The following SERPINI1 variants were observed in gnomAD, a reference collection of about 807,000 sequenced individuals.
SERPINI1 encodes neuroserpin.
A neutral mutation model predicts 41.1 loss-of-function variants in SERPINI1; 19 were observed. The observed-to-expected ratio is 0.46, with a 90% CI of 0.32 to 0.68. SERPINI1 has a LOEUF of 0.68. Among genes scored for constraint, SERPINI1 ranks in the 30% least tolerant of loss-of-function variants. The pLI is 0.03. For synonymous variants in SERPINI1, 138 were observed against 156.6 expected (o/e 0.88, Z 0.89); for missense variants, 460 against 479.2 (o/e 0.96, Z 0.37).
intron 1 of SERPINI1, among the ~76,000 whole-genome samples, chr3:167,745,936 A>G (rs539510175): frequency 3.9e-5 from 6 of 152,192 alleles, no homozygotes; most frequent in Non-Finnish European, 8.8e-5. Flanking sequence ...ATTGAAAAGT[A>G]TCTCATGTTC....
At chr3:167,811,574 G>A (rs1237066941) in intron 6 of SERPINI1, among the ~76,000 whole-genome samples, 1 of 152,128 alleles carries the variant, frequency 6.6e-6, no homozygotes, top group Non-Finnish European at 1.5e-5. Context: ...GATAACGGCA[G>A]TTGCCTCTGG....
intron 6 of SERPINI1, among the ~76,000 whole-genome samples, chr3:167,816,119 T>G (rs538064909): frequency 6.6e-6 from 1 of 152,292 alleles, no homozygotes; most frequent in Admixed American, 6.5e-5. Context: ...CTTGGCTCAC[T>G]GCAACCTCAA....
At chr3:167,751,358 A>C (rs970377034) in intron 1 of SERPINI1, among the ~76,000 whole-genome samples, 1 of 152,170 alleles carries the variant, frequency 6.6e-6, no homozygotes, top group Non-Finnish European at 1.5e-5. Context: ...TTATTAACAT[A>C]GTTTTTGGAA....
At chr3:167,743,431 A>G (rs568694582) in intron 1 of SERPINI1, among the ~76,000 whole-genome samples, 121 of 152,286 alleles carry the variant, frequency 7.9e-4, no homozygotes, top group Middle Eastern at 3.4e-3. Context: ...GTAAATAAGT[A>G]CATTAATTTT....
At chr3:167,760,548 G>A (rs1284737096) in intron 1 of SERPINI1, among the ~76,000 whole-genome samples, 1 of 148,230 alleles carries the variant, frequency 6.7e-6, no homozygotes, top group Non-Finnish European at 1.5e-5. Flanking sequence ...AGTTCTGGAA[G>A]CCTGGCTCCA....
At chr3:167,786,348 C>T (rs897701684) in intron 1 of SERPINI1, among the ~76,000 whole-genome samples, 2 of 147,426 alleles carry the variant, frequency 1.4e-5, no homozygotes, top group African/African-American at 2.5e-5. Flanking sequence ...ACTAAAAATA[C>T]AAAAAAAAAA....
At chr3:167,798,508 A>G (rs1345635470) in intron 5 of SERPINI1, among the ~76,000 whole-genome samples, 1 of 152,168 alleles carries the variant, frequency 6.6e-6, no homozygotes, top group Non-Finnish European at 1.5e-5. Flanking sequence ...GATAATGGTA[A>G]TGATTTATGT....
intron 1 of SERPINI1, among the ~76,000 whole-genome samples, chr3:167,775,489 G>A (rs922394075): frequency 1.3e-5 from 2 of 151,972 alleles, no homozygotes; most frequent in African/African-American, 4.8e-5. Context: ...TGAATGATTA[G>A]AGGATGAGTC....
chr3:167,740,838 G>A (rs1374094664), intron 1 of SERPINI1, among the ~76,000 whole-genome samples: 1 of 152,102 alleles, frequency 6.6e-6, no homozygotes, highest in Non-Finnish European at 1.5e-5. Flanking sequence ...CTGATTTAAA[G>A]ATGTGCTTTT....
At chr3:167,764,542 T>C (rs1023099721) in intron 1 of SERPINI1, among the ~76,000 whole-genome samples, 1 of 152,146 alleles carries the variant, frequency 6.6e-6, no homozygotes. Flanking sequence ...CCACAACACA[T>C]GGGAATTCAA....
At chr3:167,777,524 G>T (rs562953537) in intron 1 of SERPINI1, among the ~76,000 whole-genome samples, 14 of 152,120 alleles carry the variant, frequency 9.2e-5, no homozygotes, top group Non-Finnish European at 2.1e-4. Context: ...CTACACAGGT[G>T]ATGTTGTGGT....
intron 5 of SERPINI1, among the ~76,000 whole-genome samples, chr3:167,807,011 TATATC>T (rs1489875219): frequency 6.6e-6 from 1 of 152,210 alleles, no homozygotes; most frequent in African/African-American, 2.4e-5. Context: ...GTTTTGTGTC[TATATC>T]ATATATTTTC....
chr3:167,810,748 T>C (rs1422471326), intron 6 of SERPINI1, among the ~76,000 whole-genome samples: 2 of 152,306 alleles, frequency 1.3e-5, no homozygotes, highest in East Asian at 1.9e-4. Flanking sequence ...CTTCTTTCCA[T>C]GAACAATTTC....
At chr3:167,817,365 G>A (rs899212292) in intron 6 of SERPINI1, among the ~76,000 whole-genome samples, 1 of 151,966 alleles carries the variant, frequency 6.6e-6, no homozygotes, top group Non-Finnish European at 1.5e-5. Flanking sequence ...CCACAGATGA[G>A]TTTGATAGCT....
At chr3:167,741,439 C>G (rs528672165) in intron 1 of SERPINI1, among the ~76,000 whole-genome samples, 1 of 152,266 alleles carries the variant, frequency 6.6e-6, no homozygotes, top group African/African-American at 2.4e-5. Context: ...TGAACAGACC[C>G]CAAAGAGCCC....
intron 1 of SERPINI1, among the ~76,000 whole-genome samples, chr3:167,774,887 A>T (rs1726911335): frequency 6.6e-6 from 1 of 152,160 alleles, no homozygotes; most frequent in African/African-American, 2.4e-5. Context: ...AAGGAGTAAA[A>T]TAACAGTTGT....
chr3:167,741,141 AG>A (rs1280084789), intron 1 of SERPINI1, among the ~76,000 whole-genome samples: 1 of 152,036 alleles, frequency 6.6e-6, no homozygotes, highest in Non-Finnish European at 1.5e-5. Context: ...GGAAGCTTAC[AG>A]GGTACCTTCA....
chr3:167,754,713 GGTTA>G (rs1423250731), intron 1 of SERPINI1, among the ~76,000 whole-genome samples: 4 of 152,144 alleles, frequency 2.6e-5, no homozygotes, highest in African/African-American at 9.7e-5. Flanking sequence ...TGCATTATTT[GGTTA>G]TAGCAGAACT....
At chr3:167,741,912 C>T (rs575237301) in intron 1 of SERPINI1, among the ~76,000 whole-genome samples, 42 of 150,540 alleles carry the variant, frequency 2.8e-4, no homozygotes, top group African/African-American at 8.2e-4. Flanking sequence ...TGGTAAATTA[C>T]GAAACTTTTA....
Sources: allele counts gnomAD v4.1 joint callset (sites outside exome capture counted in the v4.1 genomes callset), GRCh38; gene constraint gnomAD v4.1.1; transcripts MANE v1.5; gene names NCBI Gene and HGNC (gene_info 2026-07-23, HGNC 2026-07-21).